KCNH4: variants seen among roughly 807,000 people sequenced by gnomAD.
KCNH4 encodes the protein voltage-gated delayed rectifier potassium channel KCNH4.
A neutral mutation model predicts 90.7 loss-of-function variants in KCNH4; 33 were observed. The ratio of observed to expected loss-of-function variants is 0.36; its 90% confidence interval spans 0.28 to 0.49. The LOEUF is 0.49. Ranked by LOEUF, KCNH4 falls within the 20% of genes least tolerant of loss-of-function variation. The probability of loss-of-function intolerance (pLI) is 0.98; values close to 1 mark genes in which losing one functional copy is unlikely to be tolerated. For missense variants in KCNH4, 1,044 were observed against 1,387.1 expected, an observed-to-expected ratio of 0.75 and a Z score of 3.93; for synonymous variants, 551 against 581.7, an observed-to-expected ratio of 0.95 and a Z score of 0.76.
intron 11 of KCNH4, among the ~76,000 whole-genome samples, chr17:42,165,052 G>A (rs2144124214): frequency 6.6e-6 from 1 of 151,802 alleles, no homozygotes; most frequent in South Asian, 2.1e-4. Context: ...GTTGTGATGA[G>A]CCAAGATCGC....
intron 2 of KCNH4, 88 bp downstream of exon 2, chr17:42,178,705 C>T: frequency 7.9e-7 from 1 of 1,261,694 alleles, no homozygotes; most frequent in Non-Finnish European, 1.1e-6. Context: ...AGTGTGGGGA[C>T]AAGCACTCAG....
rs2079891054 is a variant in KCNH4, at chr17:42,180,143, C to A, written c.76+727G>T. 6.6e-6 allele frequency among the ~76,000 whole-genome samples: 1 copy of A among 152,188 alleles called. No individual in the cohort carries two copies. The highest frequency in any genetic ancestry group is 1.5e-5 in the Non-Finnish European group (1 of 68,026). On this transcript the variant is annotated intron_variant, in intron 1 of 16. Transcript: ENST00000264661. This position sits in a 1 kb window ranked among gnomAD's most constrained non-coding sequence, Gnocchi z 4.7. The stretch of plus-strand genomic sequence containing the variant: ...GGCCCGGCGGCTCAGTTTCCGCCCT[C>A]GGGTACCGCTCCCCCACCATCCAGA...
intron 9 of KCNH4, 134 bp downstream of exon 9, chr17:42,169,343 G>T (rs1354494608): frequency 1.2e-6 from 1 of 810,326 alleles, no homozygotes; most frequent in East Asian, 2.7e-5. Context: ...GCCTCCCAAA[G>T]TGCTGGGATT....
chr17:42,162,278 C>T lies in KCNH4; in HGVS notation c.2628G>A (p.Val876=). The change falls in exon 15 of 17, where the codon GTG becomes GTA. Residue 876 remains valine, a synonymous_variant. Transcript: ENST00000264661. ...GGTTCAGCCGGCAAACCTTTTCCTT[C>T]ACCTCCTCAGCCTCACTGGCCAATT... ...SPELASEAEE[V]KEKVCRLNQE... The T allele has an allele frequency of 6.2e-7, 1 of 1,614,004 alleles. No homozygotes were observed. The highest frequency in any genetic ancestry group is 8.5e-7 in the Non-Finnish European group (1 of 1,179,956).
rs778740687 is a variant in KCNH4, at chr17:42,160,219, G to C, written c.2875C>G (p.Pro959Ala). 7.4e-6 allele frequency: 12 copies of C among 1,613,924 alleles called. No homozygotes were observed. The highest frequency in any genetic ancestry group is 6.7e-5 in the East Asian group (3 of 44,880). Reference sequence around the variant, plus strand: ...GTCTCCATGGTCCCCACACTGGCTGGGCAGTGAACTTCAGCAAGCGTAGTA... The same window carrying C: ...GTCTCCATGGTCCCCACACTGGCTGCGCAGTGAACTTCAGCAAGCGTAGTA... ...QDTTLAEVHC[P>A]ASVGTMETGT... Residue 959 changes from proline to alanine, a missense_variant, in exon 16 of 17, where the codon CCA becomes GCA. Physicochemically the swap from Pro to Ala is conservative, Grantham distance 27. This residue lies in a region of KCNH4 where 441 missense variants were observed against 512.3 expected (regional missense o/e 0.86). Coordinates refer to ENST00000264661, the MANE Select transcript of KCNH4 (RefSeq NM_012285.3).
rs2079830081 is a variant in KCNH4 at position 42,171,926 on chromosome 17, G to A, written c.1057C>T (p.Arg353Trp). 8 of 1,613,142 alleles carry A rather than the reference G, an allele frequency of 5.0e-6. No individual in the cohort carries two copies. Among genetic ancestry groups the A allele is most frequent in the Non-Finnish European group, 6.8e-6 (8 of 1,179,738 alleles). The change falls in exon 7 of 17, where the codon CGG becomes TGG. Residue 353 changes from arginine to tryptophan, a missense_variant. Around this residue, in one of 4 missense-constraint regions of KCNH4, gnomAD observed 318 missense variants for 479.6 expected, o/e 0.66. Transcript: ENST00000264661. Reference protein sequence around the residue: ...RLLRLLQKLERYSQCSAVVLT... With the variant: ...RLLRLLQKLEWYSQCSAVVLT... ...ACCACAGCACTGCACTGAGAGTACC[G>A]CTCCAGCTTCTGCAGCAGCCGCAGC...
At chr17:42,166,177 G>A in intron 10 of KCNH4, 120 bp downstream of exon 10, 3 of 1,267,450 alleles carry the variant, frequency 2.4e-6, no homozygotes, top group Non-Finnish European at 2.2e-6. Context: ...TCCTCAGCAG[G>A]AACTGTAGGT....
intron 7 of KCNH4, 107 bp from the exon 8 acceptor site, chr17:42,170,408 G>A: frequency 1.0e-6 from 1 of 963,156 alleles, no homozygotes; most frequent in Non-Finnish European, 1.5e-6. Context: ...TACACAGGTT[G>A]GCACAGGAAA....
In KCNH4 at chr17:42,175,642, C is replaced by A; in HGVS notation, c.924G>T (p.Trp308Cys). The A allele has an allele frequency of 6.2e-7, 1 of 1,614,164 alleles. No homozygotes were observed. Among genetic ancestry groups the A allele is most frequent in the South Asian group, 1.1e-5 (1 of 91,082 alleles). ...RSIGLHYLAT[W>C]FFIDLIAALP... is the part of the protein sequence containing the mutation. ...GAGCAGCAATAAGGTCGATGAAGAA[C>A]CAGGTGGCCAGGTAGTGGAGGCCAA... Residue 308 changes from tryptophan (W) to cysteine (C), a missense_variant, in exon 6 of 17, where the codon TGG (tryptophan) becomes TGT (cysteine). Physicochemically the swap from Trp to Cys is radical, Grantham distance 215 (BLOSUM62 -2). This residue lies in a region of KCNH4 where 318 missense variants were observed against 479.6 expected (regional missense o/e 0.66). Transcript: ENST00000264661.
chr17:42,173,841 C>T (rs990182914), intron 6 of KCNH4, among the ~76,000 whole-genome samples: 3 of 151,592 alleles, frequency 2.0e-5, no homozygotes, highest in African/African-American at 7.3e-5. Context: ...ACTGGGACTA[C>T]AGGCACCTGC....
Position 42,170,294 on chromosome 17 carries a change from C to T in KCNH4, c.1203G>A (p.Leu401=), listed in dbSNP as rs755400306. The change falls in exon 8 of 17, where the codon TTG becomes TTA. Residue 401 remains leucine, a synonymous_variant. Transcript: ENST00000264661. ...CCTCCAGACGCTTGCCCAACTCATGCAACCAGCCTGCAGGGTGGACGGATG... is the reference window on the plus strand; with the variant it reads ...CCTCCAGACGCTTGCCCAACTCATGTAACCAGCCTGCAGGGTGGACGGATG... The part of the protein sequence containing the change: ...NDPLLWDIGW[L]HELGKRLEVP... The T allele has an allele frequency of 6.3e-7, 1 of 1,592,408 alleles. No individual in the cohort carries two copies. Among genetic ancestry groups the T allele is most frequent in the South Asian group, 1.1e-5 (1 of 90,230 alleles).
chr17:42,176,294 C>T lies in KCNH4; in HGVS notation c.589G>A (p.Val197Met), dbSNP rs765492408. 15 of 1,595,720 alleles carry T rather than the reference C, an allele frequency of 9.4e-6. No individual in the cohort carries two copies. Among genetic ancestry groups the T allele is most frequent in the East Asian group, 4.6e-5 (2 of 43,860 alleles). ...GGCACTGATGGCTTTGGCTCAAACA[C>T]GTTCTAAGGGGAGAGGGGTGGCGGT... Reference protein sequence around the residue: ...GQGGMKANNNVFEPKPSVPEY... With the variant: ...GQGGMKANNNMFEPKPSVPEY... Residue 197 changes from valine to methionine, a missense_variant, in exon 5 of 17, where the codon GTG becomes ATG. Around this residue, in one of 4 missense-constraint regions of KCNH4, gnomAD observed 283 missense variants for 378.6 expected, o/e 0.75. Coordinates refer to ENST00000264661, the MANE Select transcript of KCNH4 (RefSeq NM_012285.3).
rs1367309301 is a variant in KCNH4 at position 42,160,077 on chromosome 17, C to T, written c.3017G>A (p.Arg1006Lys). 6 of 1,552,996 alleles carry T rather than the reference C, an allele frequency of 3.9e-6. No homozygotes were observed. The South Asian group carries it at 7.4e-5, about 19-fold the overall frequency. ...GTCTGACCTGGACTGGAAACTGTGC[C>T]TCAAGAGGCTTGGGGTTGGGGGTGA... is the stretch of plus-strand genomic sequence containing the variant. ...EASPPTPSLLRHSFQSRSDTF... is the reference protein window; with the variant it reads ...EASPPTPSLLKHSFQSRSDTF... Residue 1006 changes from arginine (R) to lysine (K), a missense_variant, in exon 16 of 17, where the codon AGG (arginine) becomes AAG (lysine). Physicochemically the swap from Arg to Lys is conservative, Grantham distance 26. Transcript: ENST00000264661.
intron 4 of KCNH4, 60 bp from the exon 5 acceptor site, chr17:42,176,357 G>T: frequency 4.7e-6 from 7 of 1,497,840 alleles, no homozygotes; most frequent in African/African-American, 1.4e-5. Flanking sequence ...AAGATGGGGG[G>T]TGGGAAAGGC....
chr17:42,160,518 C>T (rs1180805717), intron 15 of KCNH4, 83 bp from the exon 16 acceptor site: 10 of 1,430,648 alleles, frequency 7.0e-6, no homozygotes, highest in East Asian at 2.4e-5. Context: ...AAAGCTCTTT[C>T]GCAGCCACTT....
chr17:42,180,397 C>T lies in KCNH4; in HGVS notation c.76+473G>A, dbSNP rs1021520334. Among the ~76,000 whole-genome samples, 6 of 152,118 alleles carry T rather than the reference C, an allele frequency of 3.9e-5. No homozygotes were observed. ...GCCTCACCCACCTTAGACACTGACG[C>T]CCCACGATTTGGGGGCGCGCGACCT... On this transcript the variant is annotated intron_variant, in intron 1 of 16. Coordinates refer to ENST00000264661, the MANE Select transcript of KCNH4 (RefSeq NM_012285.3). The surrounding 1 kb of genome is among the most constrained non-coding windows in gnomAD (Gnocchi z 4.7).
chr17:42,169,571 A>T lies in KCNH4; in HGVS notation c.1496T>A (p.Ile499Asn), dbSNP rs1253560473. The change falls in exon 9 of 17, where the codon ATC becomes AAC. Residue 499 changes from isoleucine to asparagine, a missense_variant. Transcript: ENST00000264661. ...CGGCCGCGGCAGGCGGTGCACACGG[A>T]TGAAGTCCTTGAGGTCCTTCATGCG... Reference protein sequence around the residue: ...HSRMKDLKDFIRVHRLPRPLK... With the variant: ...HSRMKDLKDFNRVHRLPRPLK... 6.2e-7 allele frequency: 1 copy of T among 1,613,872 alleles called. No homozygotes were observed. Among genetic ancestry groups the T allele is most frequent in the Admixed American group, 1.7e-5 (1 of 60,032 alleles).
chr17:42,157,086 C>G lies in KCNH4; in HGVS notation c.*342G>C, dbSNP rs1349089584. The stretch of plus-strand genomic sequence containing the variant: ...GAGTGCTGTTGGGATTTTTGAGTTG[C>G]TAGCAGCAGAAGAGACCACCTTGAG... On this transcript the variant is annotated 3_prime_UTR_variant, in exon 17 of 17. Transcript: ENST00000264661. 1 of 152,260 alleles carries G rather than the reference C, an allele frequency of 6.6e-6. No homozygotes were observed. Among genetic ancestry groups the G allele is most frequent in the Admixed American group, 6.6e-5 (1 of 15,256 alleles). 9.4% of individuals were successfully genotyped at this position (152,260 alleles called of 1,614,324 possible).
At chr17:42,173,409 G>A (rs1598275421) in intron 6 of KCNH4, among the ~76,000 whole-genome samples, 2 of 152,150 alleles carry the variant, frequency 1.3e-5, no homozygotes, top group South Asian at 4.1e-4. Context: ...CAGAGCCCTT[G>A]ACTGCAAGCT....
Sources: gnomAD v4.1 joint callset for allele counts (sites outside exome capture counted in the v4.1 genomes callset) on GRCh38, gnomAD v4.1.1 for gene constraint, gnomAD v4.1.1 regional missense constraint, Gnocchi (gnomAD v3.1) non-coding constraint, MANE v1.5 for transcripts, NCBI Gene and HGNC (gene_info 2026-07-23, HGNC 2026-07-21) for gene names.